Variants in UGT1A10 observed in about 807,000 individuals in gnomAD.
The protein encoded by UGT1A10 is UDP-glucuronosyltransferase 1A10.
A neutral mutation model predicts 45.8 loss-of-function variants in UGT1A10; 49 were observed. That is an observed-to-expected ratio of 1.07 (90% CI 0.85 to 1.36). The LOEUF (loss-of-function observed/expected upper bound fraction) is 1.36, where lower values mean the gene tolerates loss of function less well. Among genes scored for constraint, UGT1A10 ranks in the 40% most tolerant of loss-of-function variants. The pLI is 0.00. For missense variants in UGT1A10, 745 were observed against 668.6 expected, an observed-to-expected ratio of 1.11 and a Z score of -1.26; for synonymous variants, 284 against 249.7, an observed-to-expected ratio of 1.14 and a Z score of -1.29.
chr2:233,705,487 T>C (rs1377718108), intron 1 of UGT1A10, among the ~76,000 whole-genome samples: 1 of 152,176 alleles, frequency 6.6e-6, no homozygotes. Flanking sequence ...AATTTAATGA[T>C]AATAAATACC....
intron 1 of UGT1A10, among the ~76,000 whole-genome samples, chr2:233,709,615 G>T (rs2076084906): frequency 6.6e-6 from 1 of 152,104 alleles, no homozygotes; most frequent in Admixed American, 6.5e-5. Context: ...ATTAAATATA[G>T]GTGTTTTGCT....
intron 1 of UGT1A10, among the ~76,000 whole-genome samples, chr2:233,639,444 G>T (rs1390679597): frequency 6.6e-6 from 1 of 152,196 alleles, no homozygotes; most frequent in African/African-American, 2.4e-5. Context: ...GATGAACACT[G>T]CATATTGCTC....
chr2:233,658,527 T>C (rs565484854), intron 1 of UGT1A10, among the ~76,000 whole-genome samples: 1 of 152,282 alleles, frequency 6.6e-6, no homozygotes, highest in East Asian at 1.9e-4. Context: ...CGTGTGACAG[T>C]TTTTCAGACT....
intron 1 of UGT1A10, chr2:233,708,321 T>C (rs2076012583): frequency 6.6e-6 from 1 of 152,220 alleles, no homozygotes; most frequent in Non-Finnish European, 1.5e-5. Context: ...AGGTAAAAAA[T>C]ATCTCAAGGT....
intron 1 of UGT1A10, among the ~76,000 whole-genome samples, chr2:233,666,370 A>G (rs935740750): frequency 2.6e-5 from 4 of 152,184 alleles, no homozygotes; most frequent in African/African-American, 9.6e-5. Context: ...GATATGCTCA[A>G]TCTTTTTCAT....
intron 1 of UGT1A10, among the ~76,000 whole-genome samples, chr2:233,725,748 A>G (rs530176387): frequency 3.9e-5 from 6 of 152,300 alleles, no homozygotes; most frequent in African/African-American, 1.4e-4. Context: ...ACATTGTAAG[A>G]GACTTACATT....
In UGT1A10 at chr2:233,637,026, C is replaced by T; in HGVS notation, c.504C>T (p.Phe168=). The change falls in exon 1 of 5, where the codon TTC becomes TTT. Residue 168 remains phenylalanine (F), a synonymous_variant. Transcript: ENST00000344644. ...ATTTCTCCCTCCCCTCTGTGGTCTT[C>T]ACCAGGGGAATATTTTGCCACCATC... ...AKYFSLPSVV[F]TRGIFCHHLE... The T allele has an allele frequency of 6.2e-7, 1 of 1,614,048 alleles. No individual in the cohort carries two copies. The highest frequency in any genetic ancestry group is 8.5e-7 in the Non-Finnish European group (1 of 1,179,940).
intron 1 of UGT1A10, among the ~76,000 whole-genome samples, chr2:233,678,869 C>CT (rs1288960763): frequency 6.6e-6 from 1 of 152,172 alleles, no homozygotes. Flanking sequence ...TCCATAATCC[C>CT]TTCATGACTT....
At chr2:233,711,149 C>T (rs562452811) in intron 1 of UGT1A10, among the ~76,000 whole-genome samples, 72 of 152,204 alleles carry the variant, frequency 4.7e-4, no homozygotes, top group Non-Finnish European at 8.1e-4. Flanking sequence ...TTGGGCTGCT[C>T]CTCCTATTTC....
intron 1 of UGT1A10, among the ~76,000 whole-genome samples, chr2:233,750,335 T>C (rs1295665958): frequency 6.6e-6 from 1 of 151,930 alleles, no homozygotes; most frequent in Non-Finnish European, 1.5e-5. Context: ...TTCAGAGAGA[T>C]GATCTGAAAT....
At chr2:233,638,423 T>G (rs1464204657) in intron 1 of UGT1A10, among the ~76,000 whole-genome samples, 1 of 152,250 alleles carries the variant, frequency 6.6e-6, no homozygotes. Context: ...ATGCATTAGA[T>G]GTACAATATA....
At chr2:233,691,469 C>T (rs183049628) in intron 1 of UGT1A10, 3 of 985,780 alleles carry the variant, frequency 3.0e-6, no homozygotes, top group East Asian at 1.1e-4. Flanking sequence ...AGAACACCTC[C>T]GGTGCCAAAC....
intron 1 of UGT1A10, chr2:233,692,794 A>G: frequency 7.3e-7 from 1 of 1,378,838 alleles, no homozygotes; most frequent in Non-Finnish European, 9.4e-7. Context: ...GTGAAAGCTG[A>G]CACGGCCATA....
At chr2:233,713,679 C>G in intron 1 of UGT1A10, 1 of 1,613,972 alleles carries the variant, frequency 6.2e-7, no homozygotes, top group Non-Finnish European at 8.5e-7. Context: ...TGTTTCTGCT[C>G]CTTATGCAAG....
Position 233,749,147 on chromosome 2 carries a change from T to C in UGT1A10, c.856-17887T>C, listed in dbSNP as rs149958207. ...TTCACTGAATGCATATGAACTTCCA[T>C]GACTTGATCCTTTTGTATTTTTATT... On this transcript the variant is annotated intron_variant, in intron 1 of 4. Transcript: ENST00000344644. Among the ~76,000 whole-genome samples, 47 of 152,004 alleles carry C rather than the reference T, an allele frequency of 3.1e-4. 1 individual carries two copies. Among genetic ancestry groups the C allele is most frequent in the African/African-American group, 9.9e-4 (41 of 41,258 alleles).
At chr2:233,711,897 G>A (rs553450118) in intron 1 of UGT1A10, among the ~76,000 whole-genome samples, 2 of 152,310 alleles carry the variant, frequency 1.3e-5, no homozygotes, top group South Asian at 4.1e-4. Context: ...TCTCATGGGC[G>A]TGAGACCATT....
At chr2:233,660,426 A>G (rs1407113692) in intron 1 of UGT1A10, among the ~76,000 whole-genome samples, 4 of 152,166 alleles carry the variant, frequency 2.6e-5, no homozygotes, top group South Asian at 2.1e-4. Flanking sequence ...GCATTGTCCA[A>G]TATCAAAAGT....
At chr2:233,750,066 G>A (rs12987866) in intron 1 of UGT1A10, among the ~76,000 whole-genome samples, 28,360 of 151,834 alleles carry the variant, frequency 0.19, 3,511 homozygotes, top group South Asian at 0.3. Flanking sequence ...TTTGGAACTG[G>A]GTAACAGGCA....
chr2:233,648,727 G>T, intron 1 of UGT1A10: 2 of 498,964 alleles, frequency 4.0e-6, no homozygotes, highest in Middle Eastern at 3.5e-4. Flanking sequence ...GCCTCCCAAA[G>T]TGCTGGAATT....
Sources: allele counts gnomAD v4.1 joint callset (sites outside exome capture counted in the v4.1 genomes callset), GRCh38; gene constraint gnomAD v4.1.1; transcripts MANE v1.5; gene names NCBI Gene and HGNC (gene_info 2026-07-23, HGNC 2026-07-21).